The following NTN1 variants were observed in gnomAD, a reference collection of about 807,000 sequenced individuals.
NTN1 encodes the protein netrin 1, also known as netrin-1.
Under a neutral mutation model 54.2 loss-of-function variants are expected in NTN1, and 11 were observed. That is an observed-to-expected ratio of 0.20 (90% CI 0.13 to 0.34). The LOEUF is 0.34. Ranked by LOEUF, NTN1 falls within the 10% of genes least tolerant of loss-of-function variation. The probability of loss-of-function intolerance (pLI) is 1.00; values close to 1 mark genes in which losing one functional copy is unlikely to be tolerated. For missense variants in NTN1, 740 were observed against 893.1 expected, an observed-to-expected ratio of 0.83 and a Z score of 2.18; for synonymous variants, 371 against 382.0, an observed-to-expected ratio of 0.97 and a Z score of 0.33.
intron 6 of NTN1, among the ~76,000 whole-genome samples, chr17:9,227,908 A>G (rs1905654063): frequency 6.6e-6 from 1 of 151,442 alleles, no homozygotes; most frequent in African/African-American, 2.4e-5. Context: ...TACGCATACC[A>G]CTACACACAG....
chr17:9,203,814 AAAAG>A (rs138494984), intron 5 of NTN1, among the ~76,000 whole-genome samples: 2,376 of 152,180 alleles, frequency 0.016, 57 homozygotes, highest in African/African-American at 0.053. Context: ...TAAAAAAAGG[AAAAG>A]AAAAAAGGAA....
intron 2 of NTN1, among the ~76,000 whole-genome samples, chr17:9,138,153 T>A (rs538413582): frequency 2.0e-5 from 3 of 152,358 alleles, no homozygotes; most frequent in Non-Finnish European, 4.4e-5. Flanking sequence ...GTCTTCAGAA[T>A]GATTGCTCAA....
At chr17:9,033,917 C>CAAAAA (rs58699789) in intron 2 of NTN1, among the ~76,000 whole-genome samples, 1 of 106,476 alleles carries the variant, frequency 9.4e-6, no homozygotes, top group African/African-American at 3.4e-5. Flanking sequence ...AACTCTGTCT[C>CAAAAA]AAAAAAAAAA....
chr17:9,049,620 A>C (rs935452910), intron 2 of NTN1, among the ~76,000 whole-genome samples: 5 of 152,212 alleles, frequency 3.3e-5, no homozygotes, highest in African/African-American at 1.2e-4. Flanking sequence ...ATAACTGGCC[A>C]TTACTCTTTA....
intron 2 of NTN1, among the ~76,000 whole-genome samples, chr17:9,049,872 G>A (rs1325559597): frequency 3.3e-5 from 5 of 152,190 alleles, no homozygotes; most frequent in Admixed American, 6.5e-5. Context: ...ATATCTGGGG[G>A]AAACTGAATG....
rs572367672 is a variant in NTN1 at position 9,078,254 on chromosome 17, A to G, written c.1018+54863A>G. 3.9e-5 allele frequency among the ~76,000 whole-genome samples: 6 copies of G among 152,340 alleles called. No individual in the cohort carries two copies. In the East Asian group the frequency reaches 9.6e-4, roughly 24 times the overall value. On this transcript the variant is annotated intron_variant, in intron 2 of 6. Coordinates refer to ENST00000173229, the MANE Select transcript of NTN1 (RefSeq NM_004822.3). ...AGGTAAGTATCATAAGCTGTGATTA[A>G]GCAATGGGGAGGCACAGGTTGCTAT...
intron 4 of NTN1, 122 bp downstream of exon 4, chr17:9,180,078 G>A (rs9906347): frequency 0.38 from 419,588 of 1,110,740 alleles, 81,695 homozygotes; most frequent in Middle Eastern, 0.49. Context: ...TCACTGTGTC[G>A]CCCAGGCTGG....
chr17:9,120,521 C>G (rs750519292), intron 2 of NTN1, among the ~76,000 whole-genome samples: 3 of 152,220 alleles, frequency 2.0e-5, no homozygotes, highest in Non-Finnish European at 4.4e-5. Flanking sequence ...GTTTCTCCCC[C>G]ACACAGGTCA....
intron 2 of NTN1, among the ~76,000 whole-genome samples, chr17:9,138,844 C>T (rs2092289114): frequency 6.6e-6 from 1 of 152,158 alleles, no homozygotes; most frequent in South Asian, 2.1e-4. Flanking sequence ...CCCTCTAGGG[C>T]TGACCTTCCC....
Position 9,239,154 on chromosome 17 carries a change from G to C in NTN1, c.1487-486G>C, listed in dbSNP as rs1906098817. Among the ~76,000 whole-genome samples the C allele has an allele frequency of 6.6e-6, 1 of 152,192 alleles. No homozygotes were observed. Among genetic ancestry groups the C allele is most frequent in the Non-Finnish European group, 1.5e-5 (1 of 68,040 alleles). ...TTCTCATCTTCTGTCCCTGAGCATT[G>C]AGGACCCATTATGGTTTTCTGAGGC... On this transcript the variant is annotated intron_variant, in intron 6 of 6. Coordinates refer to ENST00000173229, the MANE Select transcript of NTN1 (RefSeq NM_004822.3). The surrounding 1 kb of genome is among the most constrained non-coding windows in gnomAD (Gnocchi z 5.2).
chr17:9,057,094 G>A (rs1567699887), intron 2 of NTN1, among the ~76,000 whole-genome samples: 1 of 152,120 alleles, frequency 6.6e-6, no homozygotes, highest in Non-Finnish European at 1.5e-5. Context: ...TTTGGCTGAA[G>A]AAGGTGTTGT....
chr17:9,142,673 G>A (rs199825007), intron 2 of NTN1, among the ~76,000 whole-genome samples: 1 of 152,174 alleles, frequency 6.6e-6, no homozygotes, highest in South Asian at 2.1e-4. Flanking sequence ...AGATATCACC[G>A]TGTACTATGT....
the NTN1 span, among the ~76,000 whole-genome samples, chr17:9,007,487 T>A: frequency 6.7e-5 from 10 of 149,888 alleles, 1 homozygote; most frequent in South Asian, 1.5e-3. Flanking sequence ...TCATTCATTC[T>A]TTCTTTCTCT....
chr17:9,108,706 C>T (rs7222071), intron 2 of NTN1, among the ~76,000 whole-genome samples: 109,914 of 152,040 alleles, frequency 0.72, 39,976 homozygotes, highest in East Asian at 0.95. Context: ...AAGGCTCTGG[C>T]GCCACCTCCT....
intron 2 of NTN1, among the ~76,000 whole-genome samples, chr17:9,106,795 A>G (rs1307975931): frequency 6.6e-6 from 1 of 152,114 alleles, no homozygotes; most frequent in Non-Finnish European, 1.5e-5. Flanking sequence ...GATTACAGGT[A>G]TTAGCCACCA....
chr17:9,173,966 AC>A, intron 3 of NTN1: 1 of 152,344 alleles, frequency 6.6e-6, no homozygotes, highest in Non-Finnish European at 1.5e-5. Context: ...AACAGAGGGC[AC>A]CCCCTGCATT....
chr17:9,183,361 G>A (rs763378408), intron 5 of NTN1: 17 of 495,790 alleles, frequency 3.4e-5, no homozygotes, highest in African/African-American at 9.8e-5. Context: ...GCACAGGGTC[G>A]CACAAGCAGA....
At position 9,162,961 on chromosome 17, in the gene NTN1, C is replaced by T. The variant is rs368406936; in HGVS notation, c.1167C>T (p.Arg389=). The T allele has an allele frequency of 1.1e-5, 17 of 1,613,322 alleles. No homozygotes were observed. The highest frequency in any genetic ancestry group is 4.5e-5 in the East Asian group (2 of 44,858). ...ATTACTGCAAGGAGGGCTACTACCG[C>T]GACATGGGCAAGCCCATCACCCACC... ...HCHYCKEGYY[R]DMGKPITHRK... The change falls in exon 3 of 7, where the codon CGC becomes CGT. Residue 389 remains arginine (R), a synonymous_variant. Transcript: ENST00000173229.
chr17:9,034,603 A>G (rs2091897624), intron 2 of NTN1, among the ~76,000 whole-genome samples: 1 of 151,138 alleles, frequency 6.6e-6, no homozygotes, highest in East Asian at 2.0e-4. Flanking sequence ...TTGTATTTTT[A>G]GTGGAGACGG....
Sources: allele counts gnomAD v4.1 joint callset (sites outside exome capture counted in the v4.1 genomes callset), GRCh38; gene constraint gnomAD v4.1.1; non-coding constraint Gnocchi (gnomAD v3.1); transcripts MANE v1.5; gene names NCBI Gene and HGNC (gene_info 2026-07-23, HGNC 2026-07-21).